PDCD11: variants seen among roughly 807,000 people sequenced by gnomAD.
PDCD11 encodes protein RRP5 homolog.
A neutral mutation model predicts 198.9 loss-of-function variants in PDCD11; 97 were observed. That is an observed-to-expected ratio of 0.49 (90% confidence interval 0.41 to 0.58). The LOEUF is 0.58. PDCD11 is among the 20% of genes least tolerant of loss of function. PDCD11 has a pLI of 0.00. For missense variants in PDCD11, 2,102 were observed against 2,312.7 expected (o/e 0.91, Z 1.87); for synonymous variants, 893 against 918.0 (o/e 0.97, Z 0.49).
chr10:103,406,893 G>A, intron 7 of PDCD11, 103 bp downstream of exon 7: 1 of 886,122 alleles, frequency 1.1e-6, no homozygotes, highest in Non-Finnish European at 1.7e-6. Flanking sequence ...GTAGTCACTA[G>A]TCACTTACGC....
At chr10:103,439,203 G>A (rs1000043549) in intron 27 of PDCD11, among the ~76,000 whole-genome samples, 1 of 152,100 alleles carries the variant, frequency 6.6e-6, no homozygotes, top group Non-Finnish European at 1.5e-5. Flanking sequence ...TTAACCAGGT[G>A]TGGTAGCATG....
intron 13 of PDCD11, among the ~76,000 whole-genome samples, 153 bp from the exon 14 acceptor site, chr10:103,417,639 C>T (rs2031183026): frequency 6.6e-6 from 1 of 151,792 alleles, no homozygotes; most frequent in Non-Finnish European, 1.5e-5. Flanking sequence ...GATTGTGTAG[C>T]TCTCAGTGCA....
At chr10:103,415,815 A>G (rs2031075281) in intron 12 of PDCD11, among the ~76,000 whole-genome samples, 1 of 152,226 alleles carries the variant, frequency 6.6e-6, no homozygotes. Context: ...CTGCCAAAAC[A>G]TGGGTGATTT....
Position 103,425,528 on chromosome 10 carries a change from A to G in PDCD11, c.3305+3A>G. 1.2e-6 allele frequency: 2 copies of G among 1,600,112 alleles called. No individual in the cohort carries two copies. Among genetic ancestry groups the G allele is most frequent in the Non-Finnish European group, 1.7e-6 (2 of 1,168,766 alleles). On this transcript the variant is annotated splice_donor_region_variant and intron_variant, in intron 20 of 35. Transcript: ENST00000369797. ...GGGCGAGACATGAAGACATTCAAGT[A>G]TGGAGGCTCTGGGGGTGGGCTGGCT...
intron 26 of PDCD11, 134 bp from the exon 27 acceptor site, chr10:103,438,552 C>T: frequency 8.5e-7 from 1 of 1,182,792 alleles, no homozygotes; most frequent in Non-Finnish European, 1.2e-6. Flanking sequence ...TAGAGTTGGG[C>T]TCTAAAGGTT....
intron 7 of PDCD11, 48 bp from the exon 8 acceptor site, chr10:103,409,651 G>A: frequency 1.5e-6 from 2 of 1,327,134 alleles, no homozygotes; most frequent in Non-Finnish European, 2.2e-6. Context: ...TCACATTCCT[G>A]GTTCTTTCAA....
intron 21 of PDCD11, among the ~76,000 whole-genome samples, chr10:103,428,911 ATCT>A (rs2031810875): frequency 6.6e-6 from 1 of 152,222 alleles, no homozygotes; most frequent in Non-Finnish European, 1.5e-5. Flanking sequence ...ATGGCCAGAC[ATCT>A]TCCACTTCCT....
Position 103,405,110 on chromosome 10 carries a change from A to G in PDCD11, c.491A>G (p.Lys164Arg). Residue 164 changes from lysine to arginine, a missense_variant, in exon 5 of 36, where the codon AAG (lysine) becomes AGG (arginine). Transcript: ENST00000369797. ...CTGGGCATCACAGACAGGGGCAAGA[A>G]GAGTGTCAAGCTGTCTCTGAACCCC... ...SSLGITDRGKKSVKLSLNPKN... is the reference protein window; with the variant it reads ...SSLGITDRGKRSVKLSLNPKN... 1.9e-6 allele frequency: 3 copies of G among 1,614,202 alleles called. No homozygotes were observed. The highest frequency in any genetic ancestry group is 2.5e-6 in the Non-Finnish European group (3 of 1,180,008).
chr10:103,414,410 T>C, intron 11 of PDCD11, 80 bp downstream of exon 11: 1 of 942,964 alleles, frequency 1.1e-6, no homozygotes, highest in Non-Finnish European at 1.7e-6. Flanking sequence ...TGTCAGCCCG[T>C]TAGTCCTCAT....
At chr10:103,397,579 G>T (rs571286213) in intron 1 of PDCD11, among the ~76,000 whole-genome samples, 1 of 152,176 alleles carries the variant, frequency 6.6e-6, no homozygotes, top group Non-Finnish European at 1.5e-5. Context: ...GGGACTAGGC[G>T]CAGGCCACCA....
At position 103,434,364 on chromosome 10, in the gene PDCD11, A is replaced by G; in HGVS notation, c.3667+14A>G. 1.3e-6 allele frequency: 2 copies of G among 1,533,678 alleles called. No homozygotes were observed. Among genetic ancestry groups the G allele is most frequent in the Non-Finnish European group, 1.8e-6 (2 of 1,107,434 alleles). ...TGTCCCTCACAGGTGTGGGGATGAA[A>G]CAGTGCCTGGTCGGGGAAGGGGAGC... On this transcript the variant is annotated intron_variant, in intron 24 of 35. Coordinates refer to ENST00000369797, the MANE Select transcript of PDCD11 (RefSeq NM_014976.2).
chr10:103,434,106 G>A (rs2032048740), intron 23 of PDCD11, 69 bp downstream of exon 23: 2 of 1,340,902 alleles, frequency 1.5e-6, no homozygotes, highest in African/African-American at 1.4e-5. Flanking sequence ...CCTGGTGTGT[G>A]GGTTTACAGT....
At chr10:103,403,352 A>G (rs1265296727) in intron 4 of PDCD11, 67 bp downstream of exon 4, 3 of 1,468,680 alleles carry the variant, frequency 2.0e-6, no homozygotes, top group East Asian at 4.6e-5. Context: ...TAAAATTACA[A>G]CTTTGCCAGG....
intron 18 of PDCD11, 94 bp from the exon 19 acceptor site, chr10:103,423,449 T>C (rs1248739301): frequency 2.1e-6 from 2 of 959,134 alleles, no homozygotes; most frequent in Non-Finnish European, 3.3e-6. Context: ...TCTTTGCTTT[T>C]TTGGATCTAA....
chr10:103,426,940 T>A (rs71471284), intron 20 of PDCD11, among the ~76,000 whole-genome samples: 41,728 of 147,976 alleles, frequency 0.28, 7,077 homozygotes, highest in South Asian at 0.47. Flanking sequence ...AAAAAAAAAA[T>A]AAATAAATAA....
At chr10:103,434,537 T>C in intron 24 of PDCD11, 187 bp downstream of exon 24, 3 of 601,944 alleles carry the variant, frequency 5.0e-6, no homozygotes, top group Admixed American at 5.9e-5. Context: ...CACTGCTCTC[T>C]GAGTTACCTT....
intron 29 of PDCD11, 33 bp downstream of exon 29, chr10:103,440,614 C>T: frequency 6.2e-7 from 1 of 1,608,652 alleles, no homozygotes; most frequent in Non-Finnish European, 8.5e-7. Context: ...GGCTGCCTAT[C>T]CTCCTCCTGG....
chr10:103,422,523 A>G (rs944203797), intron 17 of PDCD11, among the ~76,000 whole-genome samples: 1 of 150,982 alleles, frequency 6.6e-6, no homozygotes, highest in African/African-American at 2.4e-5. Flanking sequence ...CTGTGGCTTT[A>G]TATTTGCATT....
chr10:103,417,998 C>A (rs1346722878), intron 14 of PDCD11, 66 bp downstream of exon 14: 7 of 1,561,186 alleles, frequency 4.5e-6, no homozygotes, highest in Non-Finnish European at 6.2e-6. Context: ...ACCACTAACA[C>A]ATGGCATATT....
Sources: allele counts gnomAD v4.1 joint callset (sites outside exome capture counted in the v4.1 genomes callset), GRCh38; gene constraint gnomAD v4.1.1; transcripts MANE v1.5; gene names NCBI Gene and HGNC (gene_info 2026-07-23, HGNC 2026-07-21).